The following PDE4A variants were observed in gnomAD, a reference collection of about 807,000 sequenced individuals.
PDE4A encodes the protein phosphodiesterase 4A.
In PDE4A, 21 loss-of-function variants were observed where a neutral mutation model predicts 73.9. The observed-to-expected ratio is 0.28, with a 90% confidence interval of 0.20 to 0.41. The LOEUF is 0.41. Among genes scored for constraint, PDE4A ranks in the 10% least tolerant of loss-of-function variants. The pLI is 1.00. For missense variants in PDE4A, 958 were observed against 1,211.4 expected (o/e 0.79, Z 3.10); for synonymous variants, 463 against 505.4 (o/e 0.92, Z 1.13).
At chr19:10,452,842 A>G in intron 6 of PDE4A, 2 of 482,468 alleles carry the variant, frequency 4.1e-6, no homozygotes, top group African/African-American at 2.1e-5. Context: ...GCTGAGGCCC[A>G]TGGGCTCTGA....
rs1391998915 is a variant in PDE4A at position 10,468,163 on chromosome 19, G to A, written c.*542G>A. On this transcript the variant is annotated 3_prime_UTR_variant, in exon 15 of 15. Transcript: ENST00000380702. The stretch of plus-strand genomic sequence containing the variant: ...TAGGCGGGGCTGGGGCCAGGGTGGG[G>A]GGCAGTCACTGTGGGAGGTCCCAGC... 6.5e-6 allele frequency: 1 copy of A among 152,682 alleles called. No homozygotes were observed. Among genetic ancestry groups the A allele is most frequent in the Admixed American group, 6.6e-5 (1 of 15,240 alleles). The allele number at this position is 152,682 out of a possible 1,614,324, so 9.5% of individuals were successfully genotyped here.
upstream of PDE4A, chr19:10,417,079 G>C: frequency 6.7e-7 from 1 of 1,487,904 alleles, no homozygotes; most frequent in Non-Finnish European, 8.9e-7. Context: ...TTTCCTGAAC[G>C]TGGCTTCACT....
upstream of PDE4A, chr19:10,418,771 C>T: frequency 1.0e-6 from 1 of 985,382 alleles, no homozygotes; most frequent in Non-Finnish European, 1.2e-6. Context: ...CCACCCGCTT[C>T]CAGATCTCTA....
intron 2 of PDE4A, 106 bp from the exon 3 acceptor site, chr19:10,448,811 G>A: frequency 6.4e-7 from 1 of 1,567,460 alleles, no homozygotes; most frequent in Non-Finnish European, 8.6e-7. Flanking sequence ...GTCCCACAGA[G>A]TCCCCTCCCT....
chr19:10,461,791 G>T, intron 12 of PDE4A, 86 bp from the exon 13 acceptor site: 3 of 1,579,262 alleles, frequency 1.9e-6, no homozygotes. Context: ...CAGAGCGGGC[G>T]GCTTCTACCT....
chr19:10,446,531 C>A (rs1406552981), intron 2 of PDE4A, 122 bp downstream of exon 2: 30 of 1,195,290 alleles, frequency 2.5e-5, no homozygotes, highest in Non-Finnish European at 3.2e-5. Flanking sequence ...AACCTGTCCT[C>A]CCCAGTGAAG....
At chr19:10,451,553 T>C (rs1375028108) in intron 6 of PDE4A, among the ~76,000 whole-genome samples, 1 of 152,050 alleles carries the variant, frequency 6.6e-6, no homozygotes, top group Non-Finnish European at 1.5e-5. Context: ...TGTGTAGGTG[T>C]ATAGGTTTGC....
intron 7 of PDE4A, among the ~76,000 whole-genome samples, chr19:10,457,522 C>T (rs1245063744): frequency 6.6e-6 from 1 of 151,470 alleles, no homozygotes; most frequent in East Asian, 2.0e-4. Context: ...CACTCTTGGC[C>T]CCCATGCTGG....
chr19:10,433,988 T>C (rs1037596189), intron 1 of PDE4A, among the ~76,000 whole-genome samples: 1 of 152,164 alleles, frequency 6.6e-6, no homozygotes, highest in African/African-American at 2.4e-5. Context: ...CCCAGCACTT[T>C]GGGAGGCTGA....
intron 4 of PDE4A, 89 bp downstream of exon 4, chr19:10,449,239 G>C: frequency 7.1e-7 from 1 of 1,415,562 alleles, no homozygotes; most frequent in Non-Finnish European, 9.8e-7. Context: ...ACCTCTGGCA[G>C]GCAGGTGACC....
upstream of PDE4A, chr19:10,417,746 T>C (rs779958615): frequency 1.8e-5 from 29 of 1,581,618 alleles, no homozygotes; most frequent in Admixed American, 3.5e-5. Context: ...CGTCCGGTCC[T>C]GGCCTGGGCT....
chr19:10,430,438 G>T (rs1034319554), intron 1 of PDE4A, among the ~76,000 whole-genome samples: 8 of 151,806 alleles, frequency 5.3e-5, no homozygotes, highest in African/African-American at 1.9e-4. Flanking sequence ...TGGACTTCTT[G>T]TGTGGGGTTG....
intron 6 of PDE4A, among the ~76,000 whole-genome samples, chr19:10,451,905 G>A (rs999159355): frequency 2.0e-5 from 3 of 152,130 alleles, no homozygotes; most frequent in South Asian, 2.1e-4. Context: ...ACAGCAGTGG[G>A]TGGAGGCTTG....
chr19:10,423,631 G>T (rs2042679237), intron 1 of PDE4A, among the ~76,000 whole-genome samples: 1 of 152,190 alleles, frequency 6.6e-6, no homozygotes, highest in South Asian at 2.1e-4. Context: ...CCATGTGGGG[G>T]TCACTTTGAG....
upstream of PDE4A, chr19:10,417,538 G>A: frequency 6.9e-7 from 1 of 1,441,806 alleles, no homozygotes. Context: ...GCTCACACGT[G>A]AAGGGGAGCC....
rs1176351494 is a variant in PDE4A, at chr19:10,424,677, C to T, written c.320+3593C>T. On this transcript the variant is annotated intron_variant, in intron 1 of 14. Transcript: ENST00000380702. The surrounding 1 kb of genome is among the most constrained non-coding windows in gnomAD (Gnocchi z 4.8). ...GACCGCAGGCTGCGTGTGGGGTCCT[C>T]GCCCTCCCGGGCTTGGGACCAGGCC... 6.6e-6 allele frequency among the ~76,000 whole-genome samples: 1 copy of T among 152,266 alleles called. No individual in the cohort carries two copies. The highest frequency in any genetic ancestry group is 6.5e-5 in the Admixed American group (1 of 15,292).
At chr19:10,451,020 AC>A in intron 6 of PDE4A, 79 bp downstream of exon 6, 1 of 1,378,982 alleles carries the variant, frequency 7.3e-7, no homozygotes, top group Non-Finnish European at 1.0e-6. Context: ...GCTGGATGGG[AC>A]CAGTGGGCGC....
intron 1 of PDE4A, among the ~76,000 whole-genome samples, chr19:10,445,710 G>A (rs1029057642): frequency 8.0e-5 from 12 of 149,770 alleles, no homozygotes; most frequent in African/African-American, 2.9e-4. Context: ...GGAGGTTGCA[G>A]TGAGCCAAGA....
chr19:10,433,638 G>A (rs1373041313), intron 1 of PDE4A, among the ~76,000 whole-genome samples: 1 of 152,148 alleles, frequency 6.6e-6, no homozygotes, highest in Non-Finnish European at 1.5e-5. Context: ...TATGTGTGAT[G>A]CCCGGGGGCA....
Sources: allele counts gnomAD v4.1 joint callset (sites outside exome capture counted in the v4.1 genomes callset), GRCh38; gene constraint gnomAD v4.1.1; non-coding constraint Gnocchi (gnomAD v3.1); transcripts MANE v1.5; gene names NCBI Gene and HGNC (gene_info 2026-07-23, HGNC 2026-07-21).